The following COL23A1 variants were observed in gnomAD, a reference collection of about 807,000 sequenced individuals.
COL23A1 encodes the protein collagen type XXIII alpha 1 chain.
COL23A1 carries 97 observed loss-of-function variants against 99.3 expected under a neutral mutation model. That is an observed-to-expected ratio of 0.98 (90% CI 0.83 to 1.16). The LOEUF is 1.16. Ranked by LOEUF, COL23A1 falls within the 50% of genes most tolerant of loss-of-function variation. COL23A1 has a pLI of 0.00. For synonymous variants in COL23A1, 320 were observed against 308.2 expected (o/e 1.04, Z -0.40); for missense variants, 762 against 757.4 (o/e 1.01, Z -0.07).
intron 2 of COL23A1, among the ~76,000 whole-genome samples, chr5:178,426,369 G>GT (rs1463804514): frequency 1.3e-5 from 2 of 152,122 alleles, no homozygotes; most frequent in Admixed American, 6.5e-5. Context: ...GATGACCCAC[G>GT]TTTTTCTGTG....
At chr5:178,367,286 T>G (rs552602756) in intron 2 of COL23A1, among the ~76,000 whole-genome samples, 1 of 152,268 alleles carries the variant, frequency 6.6e-6, no homozygotes, top group South Asian at 2.1e-4. Flanking sequence ...TGACGGGAGC[T>G]CCACGTCTGA....
intron 2 of COL23A1, among the ~76,000 whole-genome samples, chr5:178,341,996 C>T (rs999762849): frequency 2.6e-5 from 4 of 152,216 alleles, no homozygotes; most frequent in African/African-American, 9.6e-5. Context: ...CACCGACCTT[C>T]GGACCTGTGA....
At chr5:178,560,639 C>G in intron 2 of COL23A1, 43 bp downstream of exon 2, 3 of 1,571,382 alleles carry the variant, frequency 1.9e-6, no homozygotes, top group Non-Finnish European at 2.6e-6. Flanking sequence ...AAGCAAACGG[C>G]GGCCGAACGC....
At chr5:178,245,378 CCATA>C (rs1313654018) in intron 25 of COL23A1, among the ~76,000 whole-genome samples, 2 of 149,834 alleles carry the variant, frequency 1.3e-5, no homozygotes, top group Admixed American at 6.6e-5. Context: ...ATCCATCCAT[CCATA>C]GTGGATAGAT....
At chr5:178,263,807 AG>A (rs1252573611) in intron 8 of COL23A1, among the ~76,000 whole-genome samples, 19 of 152,212 alleles carry the variant, frequency 1.2e-4, no homozygotes, top group Middle Eastern at 3.2e-3. Flanking sequence ...CTAATCCGAA[AG>A]TCCTTTGGTA....
chr5:178,439,807 T>C lies in COL23A1; in HGVS notation c.361+120875A>G, dbSNP rs1250481831. On this transcript the variant is annotated intron_variant, in intron 2 of 28. Coordinates refer to ENST00000390654, the MANE Select transcript of COL23A1 (RefSeq NM_173465.4). The surrounding 1 kb of genome is among the most constrained non-coding windows in gnomAD (Gnocchi z 4.2). ...AAACTGGAAACAATCCAAGCATCCA[T>C]CATCTGGCAAATGGAGAAACTACAG... is the stretch of plus-strand genomic sequence containing the variant. The C allele has an allele frequency of 6.6e-6, 1 of 152,224 alleles. No homozygotes were observed. Among genetic ancestry groups the C allele is most frequent in the Admixed American group, 6.5e-5 (1 of 15,282 alleles). 9.4% of individuals were successfully genotyped at this position (152,224 alleles called of 1,614,324 possible).
At chr5:178,528,079 T>A (rs541843307) in intron 2 of COL23A1, among the ~76,000 whole-genome samples, 63 of 152,248 alleles carry the variant, frequency 4.1e-4, no homozygotes, top group African/African-American at 1.4e-3. Context: ...TCTGTGCACC[T>A]CAGATGCGGT....
intron 6 of COL23A1, among the ~76,000 whole-genome samples, chr5:178,269,287 T>TCATCCATC (rs375433031): frequency 0.013 from 1,765 of 140,052 alleles, 39 homozygotes; most frequent in African/African-American, 0.033. Context: ...CCTGTATGAG[T>TCATCCATC]CATCCATCCA....
intron 2 of COL23A1, among the ~76,000 whole-genome samples, chr5:178,528,268 T>C (rs534233199): frequency 7.7e-4 from 117 of 152,294 alleles, no homozygotes; most frequent in African/African-American, 2.7e-3. Flanking sequence ...CGATCACTCA[T>C]TCACCCTTTC....
chr5:178,381,597 T>C (rs1763385012), intron 2 of COL23A1, among the ~76,000 whole-genome samples: 1 of 152,220 alleles, frequency 6.6e-6, no homozygotes, highest in South Asian at 2.1e-4. Context: ...GAATTCTGTG[T>C]CTCCGGGCCC....
At position 178,459,135 on chromosome 5, in the gene COL23A1, A is replaced by C. The variant is rs1002166900; in HGVS notation, c.361+101547T>G. 4.6e-5 allele frequency among the ~76,000 whole-genome samples: 7 copies of C among 152,238 alleles called. No homozygotes were observed. In the South Asian group the frequency reaches 1.4e-3, roughly 31 times the overall value. On this transcript the variant is annotated intron_variant, in intron 2 of 28. Transcript: ENST00000390654. ...ACTGGATCCTGATTCAAACCACCAA[A>C]GAATCATGAAACAGTTGGGGAACTT...
At chr5:178,378,203 T>C (rs35566599) in intron 2 of COL23A1, 15,931 of 152,024 alleles carry the variant, frequency 0.1, 1,669 homozygotes, top group African/African-American at 0.27. Context: ...CTGGACAACA[T>C]AGTGAGACCC....
rs146535281 is a variant in COL23A1, at chr5:178,493,036, G to C, written c.361+67646C>G. ...TTAAGGAAAGCTTTAGTTGTTGGTT[G>C]ACTGTTGGTCTCTCACCCTTTAAAT... is the stretch of plus-strand genomic sequence containing the variant. On this transcript the variant is annotated intron_variant, in intron 2 of 28. Transcript: ENST00000390654. Among the ~76,000 whole-genome samples the C allele has an allele frequency of 1.8e-3, 279 of 152,276 alleles. 2 individuals are homozygous for C. The South Asian group carries it at 0.019, about 11-fold the overall frequency.
intron 2 of COL23A1, among the ~76,000 whole-genome samples, chr5:178,421,934 C>T (rs78143052): frequency 0.022 from 3,386 of 151,962 alleles, 140 homozygotes; most frequent in East Asian, 0.18. Context: ...TGAAGAACGC[C>T]GGGGGGTGGA....
intron 2 of COL23A1, among the ~76,000 whole-genome samples, chr5:178,343,664 T>TA (rs141882396): frequency 0.85 from 109,255 of 128,566 alleles, 45,812 homozygotes; most frequent in South Asian, 0.9. Flanking sequence ...TATATATATA[T>TA]TTTTTTTTTT....
At chr5:178,376,780 G>A (rs552882832) in intron 2 of COL23A1, among the ~76,000 whole-genome samples, 1 of 152,354 alleles carries the variant, frequency 6.6e-6, no homozygotes, top group East Asian at 1.9e-4. Context: ...CAAGGCGAAA[G>A]TCATGCCCTG....
chr5:178,369,480 A>G (rs1189833644), intron 2 of COL23A1, among the ~76,000 whole-genome samples: 1 of 152,184 alleles, frequency 6.6e-6, no homozygotes, highest in Non-Finnish European at 1.5e-5. Flanking sequence ...AAATTACAAT[A>G]ATAAAGTTAG....
chr5:178,529,619 A>G (rs1291566885), intron 2 of COL23A1, among the ~76,000 whole-genome samples: 1 of 152,192 alleles, frequency 6.6e-6, no homozygotes, highest in Non-Finnish European at 1.5e-5. Flanking sequence ...TCACTGACCA[A>G]TAGAGGGACA....
rs926346619 is a variant in COL23A1, at chr5:178,468,888, T to C, written c.361+91794A>G. 6.6e-6 allele frequency among the ~76,000 whole-genome samples: 1 copy of C among 152,076 alleles called. No individual in the cohort carries two copies. The highest frequency in any genetic ancestry group is 1.5e-5 in the Non-Finnish European group (1 of 68,002). ...CGTTTTCATCTTCCCCTGCTGAAAC[T>C]CTGCACCCATTAAACACCAACTCCC... is the stretch of plus-strand genomic sequence containing the variant. On this transcript the variant is annotated intron_variant, in intron 2 of 28. Coordinates refer to ENST00000390654, the MANE Select transcript of COL23A1 (RefSeq NM_173465.4). The surrounding 1 kb of genome is among the most constrained non-coding windows in gnomAD (Gnocchi z 4.2).
Sources: allele counts gnomAD v4.1 joint callset (sites outside exome capture counted in the v4.1 genomes callset), GRCh38; gene constraint gnomAD v4.1.1; non-coding constraint Gnocchi (gnomAD v3.1); transcripts MANE v1.5; gene names NCBI Gene and HGNC (gene_info 2026-07-23, HGNC 2026-07-21).